Variants in TSFM observed in about 807,000 individuals in gnomAD.
TSFM encodes the protein elongation factor Ts, mitochondrial.
A neutral mutation model predicts 33.4 loss-of-function variants in TSFM; 29 were observed. That is an observed-to-expected ratio of 0.87 (90% CI 0.65 to 1.18). The LOEUF is 1.18. TSFM is among the 50% of genes most tolerant of loss of function. TSFM has a pLI of 0.00. For missense variants in TSFM, 394 were observed against 395.6 expected (o/e 1.00, Z 0.04); for synonymous variants, 178 against 163.5 (o/e 1.09, Z -0.68).
chr12:57,784,916 C>CCT (rs1955569855), intron 2 of TSFM, among the ~76,000 whole-genome samples: 8 of 79,142 alleles, frequency 1.0e-4, no homozygotes, highest in African/African-American at 3.3e-4. Flanking sequence ...ATTGAAATAT[C>CCT]TTTTTTTTTT....
chr12:57,787,243 A>C, intron 4 of TSFM, 81 bp downstream of exon 4: 2 of 1,370,998 alleles, frequency 1.5e-6, no homozygotes, highest in African/African-American at 1.5e-5. Flanking sequence ...AGACATTCTC[A>C]TGTCTCATTC....
At chr12:57,798,005 A>G (rs1443064520), downstream of TSFM, 9 of 1,583,322 alleles carry the variant, frequency 5.7e-6, no homozygotes, top group Non-Finnish European at 7.7e-6. Context: ...TCTAAGAGAG[A>G]AAACAAAGTT....
At chr12:57,791,008 ATTT>A (rs761448648) in intron 4 of TSFM, among the ~76,000 whole-genome samples, 5 of 132,122 alleles carry the variant, frequency 3.8e-5, no homozygotes, top group Admixed American at 7.7e-5. Flanking sequence ...ACTGGGCCAG[ATTT>A]TTTTTTTTTT....
At chr12:57,787,279 GCTAT>G in intron 4 of TSFM, 117 bp downstream of exon 4, 1 of 1,090,192 alleles carries the variant, frequency 9.2e-7, no homozygotes, top group Non-Finnish European at 1.3e-6. Flanking sequence ...CTGCTTAAAT[GCTAT>G]CTCTTTGCAT....
At chr12:57,796,088 C>T (rs1955734023) in intron 5 of TSFM, 89 bp from the exon 6 acceptor site, 1 of 1,211,882 alleles carries the variant, frequency 8.3e-7, no homozygotes, top group Non-Finnish European at 1.1e-6. Context: ...GGACTGTCTT[C>T]CAAACTGGGC....
chr12:57,799,792 C>T (rs375330629), downstream of TSFM: 1 of 1,613,768 alleles, frequency 6.2e-7, no homozygotes, highest in Non-Finnish European at 8.5e-7. Context: ...TTCAGCCACT[C>T]ACCTCCTTTT....
chr12:57,801,262 G>GGGAC, downstream of TSFM: 1 of 1,496,662 alleles, frequency 6.7e-7, no homozygotes, highest in Non-Finnish European at 9.3e-7. Flanking sequence ...TTATAGGGGA[G>GGGAC]GGACATCTTA....
chr12:57,793,669 C>CA (rs1443830369), intron 5 of TSFM, among the ~76,000 whole-genome samples: 1 of 152,140 alleles, frequency 6.6e-6, no homozygotes, highest in Admixed American at 6.6e-5. Flanking sequence ...TCCAAAATCT[C>CA]ACGGATTTTG....
chr12:57,783,115 G>T lies in TSFM; in HGVS notation c.63G>T (p.Gly21=), dbSNP rs936277340. 1.9e-6 allele frequency: 3 copies of T among 1,609,486 alleles called. No individual in the cohort carries two copies. The highest frequency in any genetic ancestry group is 2.5e-6 in the Non-Finnish European group (3 of 1,179,432). ...CCCTTTCTTATCTCATCTAGGCTGG[G>T]TCTCTTCTGCGTCAGTCGCCCCAGC... ...LVARTGSYPA[G]SLLRQSPQPR... Residue 21 remains glycine, a synonymous_variant, in exon 2 of 6, where the codon GGG becomes GGT. Transcript: ENST00000652027.
rs1955755522 is a variant in TSFM at position 57,797,311 on chromosome 12, C to G, written c.*728C>G. On this transcript the variant is annotated 3_prime_UTR_variant, in exon 6 of 6. Transcript: ENST00000652027. ...CCTCTTTACTTCCCCAGTACTGAAA[C>G]ATTTCTTCAAGTATAACATAAAATT... 1.0e-6 allele frequency: 1 copy of G among 985,384 alleles called. No individual in the cohort carries two copies. The highest frequency in any genetic ancestry group is 1.2e-6 in the Non-Finnish European group (1 of 829,926). The allele number at this position is 985,384 out of a possible 1,614,324, so 61.0% of individuals were successfully genotyped here.
Position 57,786,358 on chromosome 12 carries a change from C to G in TSFM, c.360+67C>G, listed in dbSNP as rs1003258496. ...TTGGGTGTAAAGCTTGTAGTAGGCC[C>G]TAAAGGGGCCTGTTCTTGAAGAAGA... is the stretch of plus-strand genomic sequence containing the variant. On this transcript the variant is annotated intron_variant, in intron 3 of 5. Transcript: ENST00000652027. 7 of 1,512,694 alleles carry G rather than the reference C, an allele frequency of 4.6e-6. No individual in the cohort carries two copies. In the African/African-American group the frequency reaches 8.4e-5, roughly 18 times the overall value. 93.7% of individuals were successfully genotyped at this position (1,512,694 alleles called of 1,614,324 possible).
chr12:57,801,449 G>C, downstream of TSFM: 1 of 345,592 alleles, frequency 2.9e-6, no homozygotes, highest in South Asian at 3.1e-5. Flanking sequence ...TTAAGAAAGA[G>C]CAGTTGAAGG....
intron 4 of TSFM, among the ~76,000 whole-genome samples, chr12:57,787,851 C>T (rs543390536): frequency 1.8e-4 from 27 of 151,846 alleles, no homozygotes; most frequent in African/African-American, 5.6e-4. Context: ...CGCTTGAACC[C>T]GGGAGGTAGA....
downstream of TSFM, chr12:57,799,992 TATA>T (rs1955814865): frequency 1.3e-6 from 2 of 1,562,670 alleles, no homozygotes. Context: ...TCTGAATGTG[TATA>T]ATATTTAACA....
At chr12:57,799,343 T>C (rs1038434076), downstream of TSFM, among the ~76,000 whole-genome samples, 4 of 152,196 alleles carry the variant, frequency 2.6e-5, no homozygotes, top group Non-Finnish European at 5.9e-5. Context: ...ATGAGGGTAT[T>C]GGTATATGAA....
rs1955745683 is a variant in TSFM at position 57,796,696 on chromosome 12, A to G, written c.*113A>G. ...CCGAGAATGCATGGGTAAAATTATT[A>G]AATAGTTGTATAATAAAAATAATTT... On this transcript the variant is annotated 3_prime_UTR_variant, in exon 6 of 6. Transcript: ENST00000652027. 2.4e-6 allele frequency: 3 copies of G among 1,253,482 alleles called. No individual in the cohort carries two copies. Among genetic ancestry groups the G allele is most frequent in the Admixed American group, 3.9e-5 (1 of 25,398 alleles). 77.6% of individuals were successfully genotyped at this position (1,253,482 alleles called of 1,614,324 possible).
At position 57,787,453 on chromosome 12, in the gene TSFM, G is replaced by T. The variant is rs147659692; in HGVS notation, c.483+291G>T. ...GCAGGGAATTTGTCTTTTCACTGTT[G>T]TATCTCTGGTGAAAGAGAATTGGGC... On this transcript the variant is annotated intron_variant, in intron 4 of 5. Coordinates refer to ENST00000652027, the MANE Select transcript of TSFM (RefSeq NM_005726.6). 2.3e-3 allele frequency among the ~76,000 whole-genome samples: 355 copies of T among 152,266 alleles called. 7 individuals are homozygous for T. Among genetic ancestry groups the T allele is most frequent in the African/African-American group, 8.2e-3 (340 of 41,524 alleles).
downstream of TSFM, chr12:57,802,174 G>A (rs1182960243): frequency 6.2e-7 from 1 of 1,613,930 alleles, no homozygotes; most frequent in Admixed American, 1.7e-5. Context: ...CAAATGTTAG[G>A]GTCCCAGGCT....
Position 57,793,062 on chromosome 12 carries a change from CTTTAGCAATTGGTGAGTATTTG to C in TSFM, c.562_571+12del, listed in dbSNP as rs759003797. 1 of 1,613,276 alleles carries C rather than the reference CTTTAGCAATTGGTGAGTATTTG, an allele frequency of 6.2e-7. No individual in the cohort carries two copies. The highest frequency in any genetic ancestry group is 8.5e-7 in the Non-Finnish European group (1 of 1,179,492). ...GAAGGCTCACTCAAGGATCAGTTGG[CTTTAGCAATTGGTGAGTATTTG>C]TAAAGGTTCTGGAAACTGGAAATTA... is the stretch of plus-strand genomic sequence containing the variant. On this transcript the variant is annotated splice_donor_variant and splice_donor_5th_base_variant and coding_sequence_variant and intron_variant, in exon 5 of 6. Coordinates refer to ENST00000652027, the MANE Select transcript of TSFM (RefSeq NM_005726.6). LOFTEE classifies it high-confidence loss of function.
Sources: gnomAD v4.1 joint callset for allele counts (sites outside exome capture counted in the v4.1 genomes callset) on GRCh38, gnomAD v4.1.1 for gene constraint, MANE v1.5 for transcripts, NCBI Gene and HGNC (gene_info 2026-07-23, HGNC 2026-07-21) for gene names.